The following TENM3 variants were observed in gnomAD, a reference collection of about 807,000 sequenced individuals.
TENM3 encodes teneurin-3.
A neutral mutation model predicts 255.1 loss-of-function variants in TENM3; 63 were observed. The observed-to-expected ratio is 0.25, with a 90% CI of 0.20 to 0.30. TENM3 has a LOEUF of 0.30. Among genes scored for constraint, TENM3 ranks in the 10% least tolerant of loss-of-function variants. The probability of loss-of-function intolerance (pLI) is 1.00; values close to 1 mark genes in which losing one functional copy is unlikely to be tolerated. For synonymous variants in TENM3, 1,306 were observed against 1,322.3 expected (o/e 0.99, Z 0.27); for missense variants, 2,929 against 3,461.1 (o/e 0.85, Z 3.86).
the TENM3 span, among the ~76,000 whole-genome samples, chr4:181,481,453 CAT>C: frequency 6.6e-6 from 1 of 152,106 alleles, no homozygotes; most frequent in Non-Finnish European, 1.5e-5. Flanking sequence ...AATTTGGAAA[CAT>C]ATTTCAATAA....
chr4:181,770,674 CAAAA>C, the TENM3 span, among the ~76,000 whole-genome samples: 10 of 76,600 alleles, frequency 1.3e-4, no homozygotes, highest in South Asian at 1.6e-3. Context: ...GACTCTGTCT[CAAAA>C]AAAAAAAAAA....
chr4:182,329,426 A>G lies in TENM3; in HGVS notation c.232+5174A>G, dbSNP rs533896295. On this transcript the variant is annotated intron_variant, in intron 2 of 27. Coordinates refer to ENST00000511685, the MANE Select transcript of TENM3 (RefSeq NM_001080477.4). ...GAACAGATGCATTTCTCCCTCTGATAGGGTGAGAATGCCATCTAAGAAAAC... is the reference window on the plus strand; with the variant it reads ...GAACAGATGCATTTCTCCCTCTGATGGGGTGAGAATGCCATCTAAGAAAAC... Among the ~76,000 whole-genome samples the G allele has an allele frequency of 2.6e-5, 4 of 152,324 alleles. No homozygotes were observed. The East Asian group carries it at 7.7e-4, about 29-fold the overall frequency.
At chr4:181,616,314 TACAC>T in the TENM3 span, among the ~76,000 whole-genome samples, 513 of 103,674 alleles carry the variant, frequency 4.9e-3, 7 homozygotes, top group South Asian at 0.015. Flanking sequence ...ACCCATAGAA[TACAC>T]ACACACACAC....
intron 1 of TENM3, among the ~76,000 whole-genome samples, chr4:182,259,774 A>ATTC (rs57919314): frequency 1 from 151,956 of 152,274 alleles, 75,830 homozygotes; most frequent in Middle Eastern, 1. Context: ...AAATATTGAA[A>ATTC]TTCTTTTGTA....
At chr4:182,102,737 T>A in the TENM3 span, among the ~76,000 whole-genome samples, 2 of 152,170 alleles carry the variant, frequency 1.3e-5, no homozygotes, top group African/African-American at 2.4e-5. Flanking sequence ...CCTCCGCCTC[T>A]CAGAATCTGA....
the TENM3 span, among the ~76,000 whole-genome samples, chr4:182,001,699 G>A: frequency 2.6e-5 from 4 of 152,084 alleles, no homozygotes; most frequent in African/African-American, 9.7e-5. Context: ...ATGCAGATGT[G>A]TATCTCTAAA....
At chr4:181,500,350 G>A in the TENM3 span, among the ~76,000 whole-genome samples, 1 of 149,514 alleles carries the variant, frequency 6.7e-6, no homozygotes, top group African/African-American at 2.4e-5. Flanking sequence ...AAAAAAAAAT[G>A]TTGCAGCTTT....
chr4:181,985,689 A>G, the TENM3 span, among the ~76,000 whole-genome samples: 6 of 152,274 alleles, frequency 3.9e-5, no homozygotes, highest in Admixed American at 2.0e-4. Context: ...TTGTATTTTA[A>G]ATAAACAATG....
chr4:181,970,585 C>T, the TENM3 span, among the ~76,000 whole-genome samples: 1 of 152,204 alleles, frequency 6.6e-6, no homozygotes, highest in Non-Finnish European at 1.5e-5. Context: ...TAACCACCTC[C>T]TTTATGTGAT....
intron 1 of TENM3, among the ~76,000 whole-genome samples, chr4:182,209,021 T>C (rs1282555740): frequency 4.7e-5 from 7 of 149,706 alleles, no homozygotes; most frequent in African/African-American, 1.7e-4. Flanking sequence ...CAGGCTGGAG[T>C]GCGGTGGCAC....
the TENM3 span, among the ~76,000 whole-genome samples, chr4:181,689,995 G>C: frequency 6.6e-6 from 1 of 152,112 alleles, no homozygotes; most frequent in Admixed American, 6.6e-5. Flanking sequence ...CAGGGGTGCG[G>C]TTTCAATTGA....
chr4:182,209,298 A>T (rs1754817524), intron 1 of TENM3, among the ~76,000 whole-genome samples: 1 of 136,232 alleles, frequency 7.3e-6, no homozygotes, highest in Non-Finnish European at 1.6e-5. Context: ...AAAAAAAAAA[A>T]TCGTTGTTTT....
At chr4:182,785,340 G>T (rs1765555401) in intron 24 of TENM3, among the ~76,000 whole-genome samples, 1 of 151,512 alleles carries the variant, frequency 6.6e-6, no homozygotes, top group Non-Finnish European at 1.5e-5. Context: ...CCAAAATCTT[G>T]GAATTACAGA....
chr4:182,700,160 T>G (rs1480376303), intron 12 of TENM3, among the ~76,000 whole-genome samples: 1 of 152,194 alleles, frequency 6.6e-6, no homozygotes, highest in East Asian at 1.9e-4. Context: ...GTGAGGTGTT[T>G]ATGAGGCTTT....
chr4:182,628,210 G>A (rs944892712), intron 4 of TENM3, among the ~76,000 whole-genome samples: 16 of 152,126 alleles, frequency 1.1e-4, no homozygotes, highest in African/African-American at 3.6e-4. Flanking sequence ...ATGCATACTC[G>A]TGTTTATATG....
At chr4:182,209,887 T>G (rs2597109) in intron 1 of TENM3, among the ~76,000 whole-genome samples, 2 of 151,920 alleles carry the variant, frequency 1.3e-5, no homozygotes, top group Non-Finnish European at 2.9e-5. Flanking sequence ...AGTGAAGTCA[T>G]CTGCAGGGGG....
the TENM3 span, among the ~76,000 whole-genome samples, chr4:181,942,572 G>A: frequency 6.6e-6 from 1 of 152,042 alleles, no homozygotes; most frequent in Non-Finnish European, 1.5e-5. Context: ...TGCATATAGT[G>A]AGTTTTCTTT....
intron 1 of TENM3, among the ~76,000 whole-genome samples, chr4:182,298,203 CT>C (rs1761617462): frequency 6.6e-6 from 1 of 152,216 alleles, no homozygotes; most frequent in South Asian, 2.1e-4. Flanking sequence ...CCCCACTGAA[CT>C]AAAAGCTGCA....
chr4:182,334,725 C>A (rs1440569109), intron 2 of TENM3, among the ~76,000 whole-genome samples: 1 of 152,026 alleles, frequency 6.6e-6, no homozygotes, highest in Non-Finnish European at 1.5e-5. Flanking sequence ...ATGGTGCTGG[C>A]ACAACTGGTT....
Sources: allele counts gnomAD v4.1 joint callset (sites outside exome capture counted in the v4.1 genomes callset), GRCh38; gene constraint gnomAD v4.1.1; transcripts MANE v1.5; gene names NCBI Gene and HGNC (gene_info 2026-07-23, HGNC 2026-07-21).